The following ZFHX4 variants were observed in gnomAD, a reference collection of about 807,000 sequenced individuals.
ZFHX4 encodes zinc finger homeobox protein 4.
In ZFHX4, 56 loss-of-function variants were observed where a neutral mutation model predicts 267.6. That is an observed-to-expected ratio of 0.21 (90% confidence interval 0.17 to 0.26). The LOEUF (loss-of-function observed/expected upper bound fraction) is 0.26. Ranked by LOEUF, ZFHX4 falls within the 10% of genes least tolerant of loss-of-function variation. ZFHX4 has a pLI of 1.00. For missense variants in ZFHX4, 4,332 were observed against 4,420.0 expected (o/e 0.98, Z 0.56); for synonymous variants, 1,778 against 1,665.6 (o/e 1.07, Z -1.64).
At position 76,705,317 on chromosome 8, in the gene ZFHX4, G is replaced by T. The variant is rs775668861; in HGVS notation, c.1229G>T (p.Gly410Val). The change falls in exon 2 of 11, where the codon GGG becomes GTG. Residue 410 changes from glycine (G) to valine (V), a missense_variant. Coordinates refer to ENST00000651372, the MANE Select transcript of ZFHX4 (RefSeq NM_024721.5). ...QMPKAEVNLG[G>V]LSSLVVNTPI... ...CCAAAGGCTGAAGTGAATCTGGGGG[G>T]GCTGTCTAGTTTAGTAGTGAACACC... 3 of 1,613,970 alleles carry T rather than the reference G, an allele frequency of 1.9e-6. No individual in the cohort carries two copies. The highest frequency in any genetic ancestry group is 2.2e-5 in the East Asian group (1 of 44,870).
In ZFHX4 at chr8:76,854,922, G is replaced by T. The variant is rs761223969; in HGVS notation, c.8001G>T (p.Ala2667=). The change falls in exon 10 of 11, where the codon GCG becomes GCT. Residue 2667 remains alanine (A), a synonymous_variant. Coordinates refer to ENST00000651372, the MANE Select transcript of ZFHX4 (RefSeq NM_024721.5). ...RARERKGQFR[A]VGPAQSHKRC... ...GGGAGAGGAAAGGCCAGTTCCGGGC[G>T]GTGGGTCCAGCACAGTCTCATAAAC... 3 of 1,613,822 alleles carry T rather than the reference G, an allele frequency of 1.9e-6. No homozygotes were observed. The highest frequency in any genetic ancestry group is 1.1e-5 in the South Asian group (1 of 91,076).
At chr8:76,825,581 G>A (rs1326162031) in intron 4 of ZFHX4, among the ~76,000 whole-genome samples, 4 of 152,164 alleles carry the variant, frequency 2.6e-5, no homozygotes, top group Non-Finnish European at 1.5e-5. Flanking sequence ...AACTGCTCAA[G>A]CAAAAAGAAT....
chr8:76,681,985 T>C (rs2131565413), intron 1 of ZFHX4, among the ~76,000 whole-genome samples: 1 of 152,314 alleles, frequency 6.6e-6, no homozygotes, highest in East Asian at 1.9e-4. Context: ...CATCTACGTT[T>C]GCTTGGGCAG....
rs757312872 is a variant in ZFHX4, at chr8:76,851,225, G to A, written c.4304G>A (p.Arg1435His). The A allele has an allele frequency of 1.8e-5, 29 of 1,613,710 alleles. No individual in the cohort carries two copies. The highest frequency in any genetic ancestry group is 1.6e-4 in the Middle Eastern group (1 of 6,062). The change falls in exon 10 of 11, where the codon CGT becomes CAT. Residue 1435 changes from arginine to histidine, a missense_variant. Physicochemically the swap from Arg to His is conservative, Grantham distance 29. Transcript: ENST00000651372. ...TMCNLCQRSF[R>H]TFQALKKHLE... The stretch of plus-strand genomic sequence containing the variant: ...TGTAACCTCTGCCAGCGCAGTTTCC[G>A]TACATTCCAGGCTTTAAAAAAACAC...
intron 3 of ZFHX4, among the ~76,000 whole-genome samples, chr8:76,725,791 G>T (rs1033239788): frequency 3.9e-5 from 6 of 152,102 alleles, no homozygotes; most frequent in African/African-American, 1.4e-4. Context: ...AAAACATTTT[G>T]CACTGCTATG....
intron 4 of ZFHX4, among the ~76,000 whole-genome samples, chr8:76,802,988 G>A (rs895963397): frequency 1.3e-5 from 2 of 152,084 alleles, no homozygotes; most frequent in Admixed American, 1.3e-4. Flanking sequence ...CTAGACCACA[G>A]AGCAAGGCCA....
chr8:76,832,116 C>T (rs754304649), intron 4 of ZFHX4, among the ~76,000 whole-genome samples: 5 of 151,808 alleles, frequency 3.3e-5, no homozygotes, highest in Non-Finnish European at 5.9e-5. Flanking sequence ...AATAATAGTG[C>T]CTTGGTATGC....
intron 3 of ZFHX4, among the ~76,000 whole-genome samples, chr8:76,726,662 T>A (rs1808862188): frequency 6.6e-6 from 1 of 152,148 alleles, no homozygotes; most frequent in South Asian, 2.1e-4. Flanking sequence ...TTATAGAGAA[T>A]GAGAACCCAT....
chr8:76,843,251 C>G (rs1455144072), intron 6 of ZFHX4, among the ~76,000 whole-genome samples: 2 of 152,186 alleles, frequency 1.3e-5, no homozygotes, highest in Non-Finnish European at 1.5e-5. Context: ...TTACAACTTA[C>G]ACTCAGGAAT....
chr8:76,784,043 A>G (rs1467090283), intron 4 of ZFHX4, among the ~76,000 whole-genome samples: 1 of 151,902 alleles, frequency 6.6e-6, no homozygotes, highest in Admixed American at 6.6e-5. Context: ...TATGCATATA[A>G]TATTTATGTT....
chr8:76,700,489 C>T (rs1196220355), intron 1 of ZFHX4, among the ~76,000 whole-genome samples: 1 of 152,134 alleles, frequency 6.6e-6, no homozygotes, highest in East Asian at 1.9e-4. Context: ...TTTCTGAATG[C>T]AAAGGAATTC....
chr8:76,688,162 A>G (rs1807738423), intron 1 of ZFHX4, among the ~76,000 whole-genome samples: 1 of 152,210 alleles, frequency 6.6e-6, no homozygotes, highest in Non-Finnish European at 1.5e-5. Flanking sequence ...ACTATTGGGT[A>G]TCAGGAATTC....
intron 5 of ZFHX4, chr8:76,833,676 A>C: frequency 2.8e-6 from 1 of 354,192 alleles, no homozygotes; most frequent in Non-Finnish European, 5.3e-6. Context: ...CTTCATTATC[A>C]CTGCCCTCCC....
chr8:76,819,237 G>A (rs1052939441), intron 4 of ZFHX4, among the ~76,000 whole-genome samples: 1 of 150,840 alleles, frequency 6.6e-6, no homozygotes. Context: ...CAGTGTTGGG[G>A]CTCTGTTTTA....
chr8:76,824,492 G>T (rs1437971585), intron 4 of ZFHX4, among the ~76,000 whole-genome samples: 1 of 152,052 alleles, frequency 6.6e-6, no homozygotes, highest in African/African-American at 2.4e-5. Context: ...CTTTTGCAAG[G>T]AAAAAAACCT....
Position 76,854,883 on chromosome 8 carries a change from G to A in ZFHX4, c.7962G>A (p.Gln2654=). Residue 2654 remains glutamine, a synonymous_variant, in exon 10 of 11, where the codon CAG becomes CAA. Transcript: ENST00000651372. ...AAAGGGTCGTGCAAGTCTGGTTCCA[G>A]AATACACGAGCGCGGGAGAGGAAAG... ...LKKRVVQVWF[Q]NTRARERKGQ... 1 of 1,612,796 alleles carries A rather than the reference G, an allele frequency of 6.2e-7. No individual in the cohort carries two copies. Among genetic ancestry groups the A allele is most frequent in the Non-Finnish European group, 8.5e-7 (1 of 1,179,244 alleles).
At chr8:76,820,869 C>T (rs912839023) in intron 4 of ZFHX4, among the ~76,000 whole-genome samples, 1 of 152,154 alleles carries the variant, frequency 6.6e-6, no homozygotes, top group African/African-American at 2.4e-5. Context: ...ATTACAGTCA[C>T]TGTGTATCAC....
chr8:76,778,454 A>C lies in ZFHX4; in HGVS notation c.3325+15A>C. 1 of 1,605,866 alleles carries C rather than the reference A, an allele frequency of 6.2e-7. No homozygotes were observed. The highest frequency in any genetic ancestry group is 8.5e-7 in the Non-Finnish European group (1 of 1,173,590). ...AAATGAGCTTGGTGAGTAACCCTGA[A>C]GAGGGCTGTCTCTGAGCCTCCCTCC... is the stretch of plus-strand genomic sequence containing the variant. On this transcript the variant is annotated intron_variant, in intron 4 of 10. Transcript: ENST00000651372.
chr8:76,822,452 C>CTTTTTTTT (rs5892566), intron 4 of ZFHX4, among the ~76,000 whole-genome samples: 20 of 116,132 alleles, frequency 1.7e-4, no homozygotes, highest in African/African-American at 4.8e-4. Flanking sequence ...GTGTCTACCT[C>CTTTTTTTT]TTTTTTTTTT....
Sources: gnomAD v4.1 joint callset for allele counts (sites outside exome capture counted in the v4.1 genomes callset) on GRCh38, gnomAD v4.1.1 for gene constraint, MANE v1.5 for transcripts, NCBI Gene and HGNC (gene_info 2026-07-23, HGNC 2026-07-21) for gene names.